The following KAT14 variants were observed in gnomAD, a reference collection of about 807,000 sequenced individuals.
The protein encoded by KAT14 is cysteine-rich protein 2-binding protein.
KAT14 carries 66 observed loss-of-function variants against 78.4 expected under a neutral mutation model. The observed-to-expected ratio is 0.84, with a 90% CI of 0.69 to 1.03. KAT14 has a LOEUF of 1.03. Among genes scored for constraint, KAT14 ranks in the 50% least tolerant of loss-of-function variants. The probability of loss-of-function intolerance (pLI) is 0.00; values close to 1 mark genes in which losing one functional copy is unlikely to be tolerated. For synonymous variants in KAT14, 344 were observed against 359.4 expected, an observed-to-expected ratio of 0.96 and a Z score of 0.48; for missense variants, 870 against 972.5, an observed-to-expected ratio of 0.89 and a Z score of 1.40.
At position 18,187,460 on chromosome 20, in the gene KAT14, T is replaced by G. The variant is rs751631568; in HGVS notation, c.*1T>G. 2 of 1,613,954 alleles carry G rather than the reference T, an allele frequency of 1.2e-6. No homozygotes were observed. The highest frequency in any genetic ancestry group is 2.2e-5 in the South Asian group (2 of 90,986). ...ATTCTTTCTGAGGCTCCGGCGCTGA[T>G]GCGAATACAGCTCACAGAGAAACGC... On this transcript the variant is annotated 3_prime_UTR_variant, in exon 11 of 11. Transcript: ENST00000688188.
rs2039052795 is a variant in KAT14 at position 18,176,412 on chromosome 20, G to T, written c.1669-5298G>T. Reference sequence around the variant, plus strand: ...AGGGGGCATCCTTGAGCAGGGAGCTGACATTAACTAGCTCACCAGGCAAAT... The same window carrying T: ...AGGGGGCATCCTTGAGCAGGGAGCTTACATTAACTAGCTCACCAGGCAAAT... On this transcript the variant is annotated intron_variant, in intron 7 of 10. Coordinates refer to ENST00000688188, the MANE Select transcript of KAT14 (RefSeq NM_001392073.1). 3.9e-5 allele frequency among the ~76,000 whole-genome samples: 6 copies of T among 152,240 alleles called. No individual in the cohort carries two copies. The South Asian group carries it at 1.2e-3, about 32-fold the overall frequency.
chr20:18,179,318 T>C (rs1006332972), intron 7 of KAT14, among the ~76,000 whole-genome samples: 1 of 152,192 alleles, frequency 6.6e-6, no homozygotes, highest in African/African-American at 2.4e-5. Flanking sequence ...GTAGGGACTC[T>C]GTGTGGGGGC....
At chr20:18,139,266 A>G (rs964816844) in intron 1 of KAT14, among the ~76,000 whole-genome samples, 5 of 152,230 alleles carry the variant, frequency 3.3e-5, no homozygotes, top group Non-Finnish European at 7.3e-5. Context: ...ATAGAGGCAG[A>G]AGACTTCCGC....
At chr20:18,160,278 C>T (rs761297787) in intron 5 of KAT14, among the ~76,000 whole-genome samples, 7 of 152,144 alleles carry the variant, frequency 4.6e-5, no homozygotes, top group African/African-American at 7.2e-5. Context: ...TGAAAGTTCC[C>T]CCACCTGCCT....
intron 4 of KAT14, among the ~76,000 whole-genome samples, chr20:18,155,266 G>A (rs2038185280): frequency 6.6e-6 from 1 of 152,146 alleles, no homozygotes. Flanking sequence ...GTGTAATGAA[G>A]TTCTGAATTT....
Position 18,142,356 on chromosome 20 carries a change from G to T in KAT14, c.-305G>T. On this transcript the variant is annotated 5_prime_UTR_variant, in exon 2 of 11. The change abolishes an upstream ATG in the 5' untranslated region. Coordinates refer to ENST00000688188, the MANE Select transcript of KAT14 (RefSeq NM_001392073.1). ...TTGGCAAAAGGATCTCAAAAATCAT[G>T]ACTTGAATGTGAAATATCTGTTGGA... 6.5e-7 allele frequency: 1 copy of T among 1,535,952 alleles called. No homozygotes were observed. The highest frequency in any genetic ancestry group is 1.2e-5 in the South Asian group (1 of 83,950).
At position 18,162,854 on chromosome 20, in the gene KAT14, G is replaced by A; in HGVS notation, c.1577G>A (p.Gly526Glu). 1 of 1,614,172 alleles carries A rather than the reference G, an allele frequency of 6.2e-7. No individual in the cohort carries two copies. Among genetic ancestry groups the A allele is most frequent in the Non-Finnish European group, 8.5e-7 (1 of 1,180,028 alleles). ...AALLLVDGIY[G>E]AKEGGISRLP... ...CTTTTGTTAGTTGACGGGATTTATG[G>A]AGCCAAAGAAGGAGGAATTTCCAGA... Residue 526 changes from glycine to glutamate, a missense_variant, in exon 7 of 11, where the codon GGA becomes GAA. Coordinates refer to ENST00000688188, the MANE Select transcript of KAT14 (RefSeq NM_001392073.1).
At chr20:18,148,710 A>G (rs1439338586) in intron 3 of KAT14, among the ~76,000 whole-genome samples, 1 of 151,992 alleles carries the variant, frequency 6.6e-6, no homozygotes, top group Admixed American at 6.5e-5. Context: ...CCTGCATTCA[A>G]ACGATTCTCC....
At chr20:18,137,202 G>C (rs1436882143), upstream of KAT14, among the ~76,000 whole-genome samples, 1 of 152,120 alleles carries the variant, frequency 6.6e-6, no homozygotes, top group Non-Finnish European at 1.5e-5. Flanking sequence ...GCTGAGGCAG[G>C]AGAATCGCTT....
At chr20:18,179,758 A>G (rs895771713) in intron 7 of KAT14, among the ~76,000 whole-genome samples, 1 of 152,186 alleles carries the variant, frequency 6.6e-6, no homozygotes, top group African/African-American at 2.4e-5. Flanking sequence ...CTTTCTCCTC[A>G]AAAAATAGGT....
chr20:18,137,938 G>C lies in KAT14; in HGVS notation c.-567G>C, dbSNP rs1430828376. 6.8e-7 allele frequency: 1 copy of C among 1,478,544 alleles called. No homozygotes were observed. The highest frequency in any genetic ancestry group is 2.4e-5 in the Admixed American group (1 of 41,320). The allele number at this position is 1,478,544 out of a possible 1,614,324, so 91.6% of individuals were successfully genotyped here. A position where few individuals can be genotyped will look rare whatever the true frequency, so the allele number is the denominator to read the frequency against. On this transcript the variant is annotated 5_prime_UTR_variant, in exon 1 of 11. Transcript: ENST00000688188. ...CTCGGGCGGGCGGGAGAGAGAGGCC[G>C]CGGCCGCCAGCGTGGGGATGTCTAG...
At chr20:18,186,261 A>C (rs1304651332) in intron 10 of KAT14, among the ~76,000 whole-genome samples, 1 of 152,190 alleles carries the variant, frequency 6.6e-6, no homozygotes. Flanking sequence ...CTGAGGGCCC[A>C]AACATAGGTG....
In KAT14 at chr20:18,183,118, C is replaced by G; in HGVS notation, c.1806-5C>G. On this transcript the variant is annotated splice_region_variant and splice_polypyrimidine_tract_variant and intron_variant, in intron 8 of 10. Transcript: ENST00000688188. Reference sequence around the variant, plus strand: ...TGAATTTGTTTATCTTCTGTGGTACCGGAGGCGTGATTATGAAACAAAGCC... The same window carrying G: ...TGAATTTGTTTATCTTCTGTGGTACGGGAGGCGTGATTATGAAACAAAGCC... The G allele has an allele frequency of 6.2e-7, 1 of 1,602,082 alleles. No homozygotes were observed.
At chr20:18,182,376 C>A (rs1404126515) in intron 8 of KAT14, among the ~76,000 whole-genome samples, 1 of 152,140 alleles carries the variant, frequency 6.6e-6, no homozygotes, top group Non-Finnish European at 1.5e-5. Flanking sequence ...CCCAGCTTGG[C>A]CTCCCAAAGT....
chr20:18,159,223 C>T lies in KAT14; in HGVS notation c.640C>T (p.Pro214Ser). 6.2e-7 allele frequency: 1 copy of T among 1,613,890 alleles called. No homozygotes were observed. The highest frequency in any genetic ancestry group is 8.5e-7 in the Non-Finnish European group (1 of 1,179,982). The change falls in exon 5 of 11, where the codon CCT (proline) becomes TCT (serine). Residue 214 changes from proline to serine, a missense_variant. By Grantham distance (74) the Pro-to-Ser change is moderately conservative. Coordinates refer to ENST00000688188, the MANE Select transcript of KAT14 (RefSeq NM_001392073.1). ...TCATAACAAGCCCCCAACGATGAAA[C>T]CTGAAGGAGAGAAGTTGTCTGCCTC... ...LVHNKPPTMK[P>S]EGEKLSASTL...
At chr20:18,154,029 G>T (rs2038139774) in intron 4 of KAT14, among the ~76,000 whole-genome samples, 1 of 152,182 alleles carries the variant, frequency 6.6e-6, no homozygotes, top group Non-Finnish European at 1.5e-5. Context: ...AAGCAAAAGA[G>T]AATTAGAAAT....
chr20:18,180,619 GA>G (rs1319323326), intron 7 of KAT14, among the ~76,000 whole-genome samples: 4 of 151,994 alleles, frequency 2.6e-5, no homozygotes, highest in African/African-American at 9.7e-5. Flanking sequence ...AGACTGGGAA[GA>G]AAAGGAGGTT....
At chr20:18,137,604 G>A (rs1380666244), upstream of KAT14, among the ~76,000 whole-genome samples, 1 of 152,198 alleles carries the variant, frequency 6.6e-6, no homozygotes, top group Non-Finnish European at 1.5e-5. Context: ...CCCGGGGTGA[G>A]GTTGGTACTG....
chr20:18,152,093 A>C (rs914325565), intron 4 of KAT14, among the ~76,000 whole-genome samples: 2 of 152,112 alleles, frequency 1.3e-5, no homozygotes, highest in African/African-American at 4.8e-5. Context: ...GTTGTATTAC[A>C]TGAGACTGTT....
Sources: allele counts gnomAD v4.1 joint callset (sites outside exome capture counted in the v4.1 genomes callset), GRCh38; gene constraint gnomAD v4.1.1; transcripts MANE v1.5; gene names NCBI Gene and HGNC (gene_info 2026-07-23, HGNC 2026-07-21).